Variants in MALRD1 observed in about 807,000 individuals in gnomAD.
MALRD1 encodes the protein MAM and LDL receptor class A domain containing 1, also known as MAM and LDL-receptor class A domain-containing protein 1.
Under a neutral mutation model 242.1 loss-of-function variants are expected in MALRD1, and 247 were observed. That is an observed-to-expected ratio of 1.02 (90% confidence interval 0.92 to 1.13). The LOEUF (loss-of-function observed/expected upper bound fraction) is 1.13. MALRD1 is among the 50% of genes most tolerant of loss of function. The pLI, the probability that MALRD1 is intolerant of heterozygous loss-of-function variation, is 0.00. For missense variants in MALRD1, 2,989 were observed against 2,533.1 expected (o/e 1.18, Z -3.86); for synonymous variants, 995 against 866.6 (o/e 1.15, Z -2.60).
chr10:19,211,606 G>A (rs900610231), intron 18 of MALRD1, among the ~76,000 whole-genome samples: 1 of 132,842 alleles, frequency 7.5e-6, no homozygotes, highest in African/African-American at 2.9e-5. Context: ...ATAATCGCTT[G>A]AACCCAGGAG....
intron 18 of MALRD1, among the ~76,000 whole-genome samples, chr10:19,254,818 G>T (rs1268521690): frequency 6.6e-6 from 1 of 151,648 alleles, no homozygotes; most frequent in Non-Finnish European, 1.5e-5. Context: ...TGTTATATTG[G>T]AATTGTGTAA....
intron 1 of MALRD1, among the ~76,000 whole-genome samples, chr10:19,055,177 C>T (rs1834625788): frequency 6.6e-6 from 1 of 151,940 alleles, no homozygotes; most frequent in African/African-American, 2.4e-5. Context: ...TTTAATGTAC[C>T]TATTGAACAT....
chr10:19,461,701 T>C (rs1257875204), intron 29 of MALRD1, among the ~76,000 whole-genome samples: 1 of 151,858 alleles, frequency 6.6e-6, no homozygotes, highest in Non-Finnish European at 1.5e-5. Flanking sequence ...AAAAATTGGC[T>C]GGTGTGGTGG....
In MALRD1 at chr10:19,233,113, A is replaced by G. The variant is rs190984815; in HGVS notation, c.2991+23433A>G. On this transcript the variant is annotated intron_variant, in intron 18 of 39. Coordinates refer to ENST00000454679, the MANE Select transcript of MALRD1 (RefSeq NM_001142308.3). The stretch of plus-strand genomic sequence containing the variant: ...TAGGAGGTGTATATATTTGTGGGGT[A>G]CATGAGATGTTTTGTTACAGGCGTG... Among the ~76,000 whole-genome samples the G allele has an allele frequency of 2.3e-3, 353 of 152,314 alleles. 5 individuals are homozygous for G. Among genetic ancestry groups the G allele is most frequent in the Admixed American group, 7.7e-3 (117 of 15,292 alleles).
At chr10:19,444,816 T>C (rs1321161975) in intron 28 of MALRD1, among the ~76,000 whole-genome samples, 1 of 152,172 alleles carries the variant, frequency 6.6e-6, no homozygotes, top group Non-Finnish European at 1.5e-5. Flanking sequence ...GGAGTATCTT[T>C]GTGGCATTCT....
chr10:19,173,621 C>T (rs1231387467), intron 13 of MALRD1, among the ~76,000 whole-genome samples: 1 of 152,160 alleles, frequency 6.6e-6, no homozygotes, highest in Non-Finnish European at 1.5e-5. Flanking sequence ...ACTCCGTTAA[C>T]ACCCATCAAC....
chr10:19,238,463 A>AATATACATTATATAATGTATATTAT (rs1363764543), intron 18 of MALRD1, among the ~76,000 whole-genome samples: 2 of 36,980 alleles, frequency 5.4e-5, no homozygotes, highest in African/African-American at 3.8e-4. Flanking sequence ...TATAATATAT[A>AATATACATTATATAATGTATATTAT]ATATAATATA....
At chr10:19,539,345 T>G (rs993010670) in intron 32 of MALRD1, among the ~76,000 whole-genome samples, 1 of 152,176 alleles carries the variant, frequency 6.6e-6, no homozygotes, top group East Asian at 1.9e-4. Flanking sequence ...ATAACTACTA[T>G]GCTTTTCTGC....
intron 28 of MALRD1, among the ~76,000 whole-genome samples, chr10:19,438,207 A>C (rs1222596546): frequency 6.6e-6 from 1 of 151,962 alleles, no homozygotes; most frequent in Non-Finnish European, 1.5e-5. Context: ...ATATAAGTGG[A>C]ATCATGGAGT....
In MALRD1 at chr10:19,460,908, C is replaced by T. The variant is rs548071520; in HGVS notation, c.5029+10418C>T. On this transcript the variant is annotated intron_variant, in intron 29 of 39. Transcript: ENST00000454679. ...GGGAATTCCTGTATGACTTGCTGAGCTCAGCTGTGCAAGTACTCTTTGGTT... is the reference window on the plus strand; with the variant it reads ...GGGAATTCCTGTATGACTTGCTGAGTTCAGCTGTGCAAGTACTCTTTGGTT... 8.5e-5 allele frequency among the ~76,000 whole-genome samples: 13 copies of T among 152,224 alleles called. No homozygotes were observed. The South Asian group carries it at 2.7e-3, about 32-fold the overall frequency.
intron 36 of MALRD1, among the ~76,000 whole-genome samples, chr10:19,681,312 C>A (rs1034803555): frequency 1.3e-5 from 2 of 152,124 alleles, no homozygotes; most frequent in Non-Finnish European, 2.9e-5. Flanking sequence ...TGGGTTCGGT[C>A]TTTTTGCATA....
chr10:19,213,974 A>G (rs1837189188), intron 18 of MALRD1, among the ~76,000 whole-genome samples: 1 of 152,202 alleles, frequency 6.6e-6, no homozygotes. Flanking sequence ...TTTGGCTGAT[A>G]AAATAAGCAC....
chr10:19,416,604 A>C (rs1833521541), intron 28 of MALRD1, among the ~76,000 whole-genome samples: 1 of 151,866 alleles, frequency 6.6e-6, no homozygotes, highest in South Asian at 2.1e-4. Context: ...ACAAAAGTCA[A>C]CTTTTACAGC....
intron 36 of MALRD1, among the ~76,000 whole-genome samples, chr10:19,670,572 C>T (rs1841870232): frequency 6.6e-6 from 1 of 152,184 alleles, no homozygotes; most frequent in African/African-American, 2.4e-5. Flanking sequence ...CCTATTCCAG[C>T]TTCCAACAGA....
At chr10:19,571,521 G>A (rs1415901035) in intron 33 of MALRD1, among the ~76,000 whole-genome samples, 1 of 152,054 alleles carries the variant, frequency 6.6e-6, no homozygotes, top group African/African-American at 2.4e-5. Context: ...TTTAAAATAG[G>A]TCAAATTTTG....
intron 31 of MALRD1, among the ~76,000 whole-genome samples, chr10:19,518,057 C>A (rs1340056398): frequency 1.3e-5 from 2 of 152,160 alleles, no homozygotes. Flanking sequence ...TTTAGGGAAT[C>A]CCCTGATTGG....
intron 26 of MALRD1, among the ~76,000 whole-genome samples, chr10:19,367,945 T>C (rs1845177261): frequency 6.6e-6 from 1 of 152,052 alleles, no homozygotes; most frequent in Non-Finnish European, 1.5e-5. Flanking sequence ...TATTTTTAAA[T>C]TGGAGTATTA....
intron 32 of MALRD1, among the ~76,000 whole-genome samples, chr10:19,532,103 T>C (rs2131351580): frequency 6.6e-6 from 1 of 152,260 alleles, no homozygotes; most frequent in Non-Finnish European, 1.5e-5. Context: ...TTATAAACAC[T>C]CTATGGTATC....
chr10:19,327,796 G>A (rs969567831), intron 23 of MALRD1, 123 bp downstream of exon 23: 11 of 739,370 alleles, frequency 1.5e-5, no homozygotes, highest in Middle Eastern at 2.4e-4. Flanking sequence ...CTGTGGATGC[G>A]TGGACACCAT....
Sources: gnomAD v4.1 joint callset for allele counts (sites outside exome capture counted in the v4.1 genomes callset) on GRCh38, gnomAD v4.1.1 for gene constraint, MANE v1.5 for transcripts, NCBI Gene and HGNC (gene_info 2026-07-23, HGNC 2026-07-21) for gene names.